Variants in TRAPPC9 observed in about 807,000 individuals in gnomAD.
TRAPPC9 encodes IKK2 binding protein.
Under a neutral mutation model 124.0 loss-of-function variants are expected in TRAPPC9, and 83 were observed. The observed-to-expected ratio is 0.67, with a 90% CI of 0.56 to 0.80. The LOEUF is 0.80. Ranked by LOEUF, TRAPPC9 falls within the 30% of genes least tolerant of loss-of-function variation. The pLI is 0.00. For synonymous variants in TRAPPC9, 638 were observed against 617.5 expected, an observed-to-expected ratio of 1.03 and a Z score of -0.49; for missense variants, 1,302 against 1,508.3, an observed-to-expected ratio of 0.86 and a Z score of 2.27.
rs1398911204 is a variant in TRAPPC9 at position 140,353,099 on chromosome 8, C to T, written c.1495+6951G>A. On this transcript the variant is annotated intron_variant, in intron 9 of 22. Transcript: ENST00000438773. This position sits in a 1 kb window ranked among gnomAD's most constrained non-coding sequence, Gnocchi z 4.2. ...CTACCCAGAGGCCTCCAGAAAGACA[C>T]TGGACCACAGTAGAAGAGGTAAACC... Among the ~76,000 whole-genome samples the T allele has an allele frequency of 1.3e-5, 2 of 152,184 alleles. No homozygotes were observed. The highest frequency in any genetic ancestry group is 2.9e-5 in the Non-Finnish European group (2 of 68,034).
intron 3 of TRAPPC9, among the ~76,000 whole-genome samples, chr8:140,436,080 T>C (rs2070802710): frequency 6.6e-6 from 1 of 152,234 alleles, no homozygotes; most frequent in Admixed American, 6.5e-5. Context: ...ACGCAGTGGC[T>C]CATGCCAGTA....
chr8:140,398,286 A>C (rs1408004542), intron 6 of TRAPPC9, among the ~76,000 whole-genome samples: 3 of 152,232 alleles, frequency 2.0e-5, no homozygotes, highest in South Asian at 4.1e-4. Context: ...TTGCTGAAAA[A>C]ATACCTGAAA....
In TRAPPC9 at chr8:140,284,149, G is replaced by A. The variant is rs572094306; in HGVS notation, c.1982-128C>T. The A allele has an allele frequency of 2.0e-3, 2,513 of 1,255,490 alleles. 5 individuals carry two copies. Among genetic ancestry groups the A allele is most frequent in the South Asian group, 3.0e-3 (245 of 82,372 alleles). 77.8% of individuals were successfully genotyped at this position (1,255,490 alleles called of 1,614,324 possible). A position where few individuals can be genotyped will look rare whatever the true frequency, so the allele number is the denominator to read the frequency against. On this transcript the variant is annotated intron_variant, in intron 13 of 22. Coordinates refer to ENST00000438773, the MANE Select transcript of TRAPPC9 (RefSeq NM_001160372.4). ...TGAGTTCCGAAGCTGCCCGGGGCCCGCCGGCGCTCACCCACACTCCCGCCC... is the reference window on the plus strand; with the variant it reads ...TGAGTTCCGAAGCTGCCCGGGGCCCACCGGCGCTCACCCACACTCCCGCCC...
intron 15 of TRAPPC9, among the ~76,000 whole-genome samples, chr8:140,275,065 G>A (rs896650248): frequency 6.6e-6 from 1 of 151,862 alleles, no homozygotes; most frequent in Non-Finnish European, 1.5e-5. Context: ...CAATGCACTC[G>A]CCAGCCTCTG....
chr8:140,130,705 TG>T lies in TRAPPC9; in HGVS notation c.2556+90753del, dbSNP rs928128604. ...TCTCCTTATTTTGATGGTTATGCTGTGGGGTACAGAGAATGCTGTGTGTTGT... is the reference window on the plus strand; with the variant it reads ...TCTCCTTATTTTGATGGTTATGCTGTGGGTACAGAGAATGCTGTGTGTTGT... On this transcript the variant is annotated intron_variant, in intron 17 of 22. Coordinates refer to ENST00000438773, the MANE Select transcript of TRAPPC9 (RefSeq NM_001160372.4). Among the ~76,000 whole-genome samples, 72 of 152,186 alleles carry T rather than the reference TG, an allele frequency of 4.7e-4. 1 individual carries two copies. Among genetic ancestry groups the T allele is most frequent in the African/African-American group, 1.7e-3 (71 of 41,492 alleles).
chr8:140,260,656 C>A (rs1196000713), intron 15 of TRAPPC9, among the ~76,000 whole-genome samples: 1 of 152,170 alleles, frequency 6.6e-6, no homozygotes, highest in African/African-American at 2.4e-5. Flanking sequence ...ATAACTGAAA[C>A]AACCATCTAT....
intron 17 of TRAPPC9, among the ~76,000 whole-genome samples, chr8:140,067,676 C>T (rs945386403): frequency 2.6e-5 from 4 of 152,116 alleles, no homozygotes; most frequent in African/African-American, 9.7e-5. Flanking sequence ...ATCAAGGTCA[C>T]AGGGCAAATA....
chr8:139,994,298 T>C (rs773353122), intron 18 of TRAPPC9, among the ~76,000 whole-genome samples: 2 of 152,216 alleles, frequency 1.3e-5, no homozygotes, highest in Non-Finnish European at 2.9e-5. Context: ...CGTCCTTCTG[T>C]GGAGCCGAGA....
rs371151041 is a variant in TRAPPC9 at position 139,776,857 on chromosome 8, C to T, written c.3056-44655G>A. Among the ~76,000 whole-genome samples, 1 of 152,246 alleles carries T rather than the reference C, an allele frequency of 6.6e-6. No homozygotes were observed. The highest frequency in any genetic ancestry group is 2.4e-5 in the African/African-American group (1 of 41,468). On this transcript the variant is annotated intron_variant, in intron 21 of 22. Coordinates refer to ENST00000438773, the MANE Select transcript of TRAPPC9 (RefSeq NM_001160372.4). This position sits in a 1 kb window ranked among gnomAD's most constrained non-coding sequence, Gnocchi z 4.1. Reference sequence around the variant, plus strand: ...CAAAGTCCATTGCGCCTGTGACTTACTATAAAATGACAACATGGTTACTTT... The same window carrying T: ...CAAAGTCCATTGCGCCTGTGACTTATTATAAAATGACAACATGGTTACTTT...
chr8:140,407,705 C>A lies in TRAPPC9; in HGVS notation c.887-2007G>T, dbSNP rs536754648. Among the ~76,000 whole-genome samples the A allele has an allele frequency of 3.3e-5, 5 of 152,262 alleles. No individual in the cohort carries two copies. In the South Asian group the frequency reaches 1.0e-3, roughly 32 times the overall value. On this transcript the variant is annotated intron_variant, in intron 5 of 22. Transcript: ENST00000438773. ...CACGATCTCAGCTCGCTACAACCCC[C>A]CTCCTCGCTACAATCAAGTGATTCT...
intron 17 of TRAPPC9, among the ~76,000 whole-genome samples, chr8:140,030,289 G>A (rs1016528304): frequency 6.6e-6 from 1 of 152,160 alleles, no homozygotes; most frequent in Admixed American, 6.5e-5. Context: ...AGTTCAATAA[G>A]TCCAGAAACA....
chr8:140,232,706 G>A (rs1283513816), intron 16 of TRAPPC9, among the ~76,000 whole-genome samples: 1 of 152,132 alleles, frequency 6.6e-6, no homozygotes. Flanking sequence ...TTTGTATCTT[G>A]TTTATACGTG....
chr8:139,773,359 G>C (rs1235296529), intron 21 of TRAPPC9, among the ~76,000 whole-genome samples: 1 of 152,246 alleles, frequency 6.6e-6, no homozygotes, highest in Non-Finnish European at 1.5e-5. Context: ...GGCTGCCAGA[G>C]GCCCCGGCTA....
At chr8:140,016,372 T>C (rs1011042290) in intron 18 of TRAPPC9, among the ~76,000 whole-genome samples, 11 of 152,260 alleles carry the variant, frequency 7.2e-5, no homozygotes, top group African/African-American at 2.4e-4. Flanking sequence ...GGTGAGGGAA[T>C]TTCAGAGCTA....
Position 140,192,147 on chromosome 8 carries a change from G to A in TRAPPC9, c.2556+29312C>T, listed in dbSNP as rs541602239. On this transcript the variant is annotated intron_variant, in intron 17 of 22. Transcript: ENST00000438773. ...CTGTGTTCATTTCTAATCAACCCCAGGCTTCAACACAGGTTCCCTGAACAT... is the reference window on the plus strand; with the variant it reads ...CTGTGTTCATTTCTAATCAACCCCAAGCTTCAACACAGGTTCCCTGAACAT... 5.9e-5 allele frequency among the ~76,000 whole-genome samples: 9 copies of A among 152,258 alleles called. No homozygotes were observed. In the South Asian group the frequency reaches 1.9e-3, roughly 32 times the overall value.
rs576435879 is a variant in TRAPPC9, at chr8:140,241,840, G to A, written c.2431+10937C>T. Among the ~76,000 whole-genome samples, 6 of 152,292 alleles carry A rather than the reference G, an allele frequency of 3.9e-5. No homozygotes were observed. Among genetic ancestry groups the A allele is most frequent in the Non-Finnish European group, 5.9e-5 (4 of 68,020 alleles). On this transcript the variant is annotated intron_variant, in intron 16 of 22. Transcript: ENST00000438773. The surrounding 1 kb of genome is among the most constrained non-coding windows in gnomAD (Gnocchi z 5.0). Reference sequence around the variant, plus strand: ...CGGCAGCCTTCGCAGCGTGCCTTCCGTCCCTCACTTGCTTAACGTATGCCA... The same window carrying A: ...CGGCAGCCTTCGCAGCGTGCCTTCCATCCCTCACTTGCTTAACGTATGCCA...
In TRAPPC9 at chr8:140,372,387, C is replaced by T. The variant is rs117504567; in HGVS notation, c.1135-1207G>A. ...AACCCTCCCTCCATCCCCTCTCCTC[C>T]GCGCTCACTGCCATGGCCTCGATGG... On this transcript the variant is annotated intron_variant, in intron 7 of 22. Transcript: ENST00000438773. 5.4e-4 allele frequency among the ~76,000 whole-genome samples: 82 copies of T among 152,338 alleles called. No individual in the cohort carries two copies. In the East Asian group the frequency reaches 0.015, roughly 28 times the overall value.
intron 4 of TRAPPC9, among the ~76,000 whole-genome samples, chr8:140,429,674 T>C (rs113306287): frequency 0.028 from 4,195 of 151,822 alleles, 193 homozygotes; most frequent in African/African-American, 0.091. Context: ...GTCATGGTGG[T>C]GCACACCTGT....
At chr8:139,731,878 CTGCTGGACATA>C (rs1817846534) in intron 22 of TRAPPC9, 90 bp downstream of exon 22, 15 of 1,102,052 alleles carry the variant, frequency 1.4e-5, no homozygotes, top group Non-Finnish European at 2.0e-5. Flanking sequence ...CTGCTATCGT[CTGCTGGACATA>C]TGCTGACCCC....
Sources: allele counts gnomAD v4.1 joint callset (sites outside exome capture counted in the v4.1 genomes callset), GRCh38; gene constraint gnomAD v4.1.1; non-coding constraint Gnocchi (gnomAD v3.1); transcripts MANE v1.5; gene names NCBI Gene and HGNC (gene_info 2026-07-23, HGNC 2026-07-21).